Variants in ZNF440 observed in about 807,000 individuals in gnomAD.
ZNF440 encodes zinc finger protein 440.
Under a neutral mutation model 49.7 loss-of-function variants are expected in ZNF440, and 47 were observed. That is an observed-to-expected ratio of 0.95 (90% CI 0.75 to 1.21). ZNF440 has a LOEUF of 1.21. Among genes scored for constraint, ZNF440 ranks in the 50% most tolerant of loss-of-function variants. The pLI is 0.00. For synonymous variants in ZNF440, 255 were observed against 237.7 expected (o/e 1.07, Z -0.67); for missense variants, 703 against 715.0 (o/e 0.98, Z 0.19).
Position 11,833,129 on chromosome 19 carries a change from A to G in ZNF440, c.*165A>G. On this transcript the variant is annotated 3_prime_UTR_variant, in exon 4 of 4. Coordinates refer to ENST00000304060, the MANE Select transcript of ZNF440 (RefSeq NM_152357.3). ...CTTCACTTCCTTTCGATATCATGAA[A>G]GGACTCACACTGGAGAGAACCCCTA... 1.4e-6 allele frequency: 2 copies of G among 1,412,176 alleles called. No individual in the cohort carries two copies. The highest frequency in any genetic ancestry group is 2.0e-6 in the Non-Finnish European group (2 of 1,004,740). 87.5% of individuals were successfully genotyped at this position (1,412,176 alleles called of 1,614,324 possible).
At chr19:11,822,298 G>A (rs1264935356) in intron 1 of ZNF440, among the ~76,000 whole-genome samples, 1 of 152,196 alleles carries the variant, frequency 6.6e-6, no homozygotes, top group East Asian at 1.9e-4. Flanking sequence ...ACTCTGTTGA[G>A]TTTGAATAAA....
At position 11,820,036 on chromosome 19, in the gene ZNF440, CT is replaced by C. The variant is rs568104498; in HGVS notation, c.3+5587del. Reference sequence around the variant, plus strand: ...CAAGGGCTTGCAGTGAAATCTGTGTCTGAACATTTCACATGAGAGGAAAGCA... The same window carrying C: ...CAAGGGCTTGCAGTGAAATCTGTGTCGAACATTTCACATGAGAGGAAAGCA... On this transcript the variant is annotated intron_variant, in intron 1 of 3. Transcript: ENST00000304060. Among the ~76,000 whole-genome samples, 473 of 152,270 alleles carry C rather than the reference CT, an allele frequency of 3.1e-3. 1 individual carries two copies. Among genetic ancestry groups the C allele is most frequent in the Non-Finnish European group, 5.2e-3 (352 of 68,038 alleles).
At chr19:11,820,268 G>C (rs10403941) in intron 1 of ZNF440, among the ~76,000 whole-genome samples, 1,692 of 152,228 alleles carry the variant, frequency 0.011, 28 homozygotes, top group African/African-American at 0.039. Flanking sequence ...CCAGGCTGGA[G>C]TGCAGTGGCG....
At chr19:11,814,504 C>T (rs1975707655) in intron 1 of ZNF440, 54 bp downstream of exon 1, 1 of 1,452,920 alleles carries the variant, frequency 6.9e-7, no homozygotes, top group Non-Finnish European at 9.1e-7. Context: ...TGGAATCGGC[C>T]GGAACCGGCT....
At chr19:11,815,043 A>G (rs1164409548) in intron 1 of ZNF440, among the ~76,000 whole-genome samples, 1 of 152,092 alleles carries the variant, frequency 6.6e-6, no homozygotes, top group Non-Finnish European at 1.5e-5. Flanking sequence ...TGGGAGGCCG[A>G]GGCAGGCGGA....
chr19:11,826,884 A>C (rs1216832233), intron 1 of ZNF440, among the ~76,000 whole-genome samples: 2 of 151,870 alleles, frequency 1.3e-5, no homozygotes, highest in African/African-American at 2.4e-5. Context: ...GGCTGGTCTC[A>C]AACTTTTGAC....
At chr19:11,819,103 T>C (rs955195683) in intron 1 of ZNF440, among the ~76,000 whole-genome samples, 1 of 151,356 alleles carries the variant, frequency 6.6e-6, no homozygotes, top group Non-Finnish European at 1.5e-5. Context: ...ATCTCAGGAG[T>C]TCAAGACCAG....
chr19:11,826,810 T>A (rs1975873052), intron 1 of ZNF440, among the ~76,000 whole-genome samples: 1 of 151,570 alleles, frequency 6.6e-6, no homozygotes. Flanking sequence ...ATTACAGGTG[T>A]ATGCTGCCAC....
chr19:11,829,741 G>A (rs780192778), intron 1 of ZNF440, among the ~76,000 whole-genome samples: 1 of 151,930 alleles, frequency 6.6e-6, no homozygotes, highest in Non-Finnish European at 1.5e-5. Flanking sequence ...GCTGAGGCAT[G>A]AGAATTGCAT....
chr19:11,832,398 G>T lies in ZNF440; in HGVS notation c.1222G>T (p.Ala408Ser). Residue 408 changes from alanine (A) to serine (S), a missense_variant, in exon 4 of 4, where the codon GCC becomes TCC. Physicochemically the swap from Ala to Ser is moderately conservative, Grantham distance 99. Transcript: ENST00000304060. The part of the protein sequence containing the change: ...CKQCGKAFRS[A>S]SHLRVHGRTH... ...GCAATGTGGGAAAGCCTTCAGATCT[G>T]CCTCACACCTTCGAGTGCATGGTAG... The T allele has an allele frequency of 2.5e-6, 4 of 1,613,340 alleles. No homozygotes were observed. Among genetic ancestry groups the T allele is most frequent in the East Asian group, 2.2e-5 (1 of 44,778 alleles).
chr19:11,822,683 A>G (rs1393649179), intron 1 of ZNF440, among the ~76,000 whole-genome samples: 1 of 152,048 alleles, frequency 6.6e-6, no homozygotes, highest in Non-Finnish European at 1.5e-5. Flanking sequence ...CCCTGTCTCT[A>G]CTAAAAATAC....
intron 1 of ZNF440, among the ~76,000 whole-genome samples, chr19:11,822,960 G>T (rs1354325553): frequency 6.6e-6 from 1 of 151,702 alleles, no homozygotes; most frequent in Non-Finnish European, 1.5e-5. Context: ...AAGCTGCAGT[G>T]TTTAGTGGGT....
intron 1 of ZNF440, among the ~76,000 whole-genome samples, chr19:11,815,327 A>ACACACACAC (rs1568237561): frequency 5.1e-4 from 35 of 68,276 alleles, no homozygotes; most frequent in African/African-American, 1.6e-3. Flanking sequence ...CACACACACA[A>ACACACACAC]ATTAAATAGG....
At chr19:11,820,416 C>T (rs1243549215) in intron 1 of ZNF440, among the ~76,000 whole-genome samples, 2 of 152,138 alleles carry the variant, frequency 1.3e-5, no homozygotes, top group Non-Finnish European at 2.9e-5. Context: ...GACGGGGTTT[C>T]ACCGTATTAG....
chr19:11,832,388 C>G lies in ZNF440; in HGVS notation c.1212C>G (p.Ala404=). ...ATGAGTGTAAGCAATGTGGGAAAGCCTTCAGATCTGCCTCACACCTTCGAG... is the reference window on the plus strand; with the variant it reads ...ATGAGTGTAAGCAATGTGGGAAAGCGTTCAGATCTGCCTCACACCTTCGAG... ...KPYECKQCGK[A]FRSASHLRVH... The change falls in exon 4 of 4, where the codon GCC becomes GCG. Residue 404 remains alanine (A), a synonymous_variant. Coordinates refer to ENST00000304060, the MANE Select transcript of ZNF440 (RefSeq NM_152357.3). 6.2e-7 allele frequency: 1 copy of G among 1,613,292 alleles called. No homozygotes were observed. The highest frequency in any genetic ancestry group is 8.5e-7 in the Non-Finnish European group (1 of 1,179,762).
In ZNF440 at chr19:11,832,460, AT is replaced by A. The variant is rs769032213; in HGVS notation, c.1285del (p.Cys429ValfsTer8). ...GAGAGAAACCGTATGAATGTAAGGA[AT>A]GTGGGAAAGCCTTCAGATATGTGAA... The part of the protein sequence containing the change: ...TGEKPYECKE[C>X]GKAFRYVNNL... On this transcript the variant is annotated frameshift_variant, in exon 4 of 4. Coordinates refer to ENST00000304060, the MANE Select transcript of ZNF440 (RefSeq NM_152357.3). LOFTEE classifies it high-confidence loss of function. The A allele has an allele frequency of 2.0e-5, 33 of 1,613,872 alleles. No individual in the cohort carries two copies. Among genetic ancestry groups the A allele is most frequent in the Non-Finnish European group, 2.6e-5 (31 of 1,180,000 alleles).
At position 11,830,360 on chromosome 19, in the gene ZNF440, A is replaced by C; in HGVS notation, c.81A>C (p.Lys27Asn). The part of the protein sequence containing the change: ...EWALLDISQR[K>N]LYREVMLETF... ...CTTTGCTGGATATTTCCCAGAGGAA[A>C]CTCTACAGGGAAGTGATGCTGGAAA... The change falls in exon 2 of 4, where the codon AAA (lysine) becomes AAC (asparagine). Residue 27 changes from lysine (K) to asparagine (N), a missense_variant. Transcript: ENST00000304060. 1.2e-6 allele frequency: 2 copies of C among 1,613,978 alleles called. No homozygotes were observed. Among genetic ancestry groups the C allele is most frequent in the Non-Finnish European group, 8.5e-7 (1 of 1,180,004 alleles).
In ZNF440 at chr19:11,830,601, T is replaced by A; in HGVS notation, c.131-16T>A. ...TATACTGCCTCAGGACTATTTTTTC[T>A]GTGTCTGTATTTTAGGAAAAAGGTG... is the stretch of plus-strand genomic sequence containing the variant. On this transcript the variant is annotated splice_polypyrimidine_tract_variant and intron_variant, in intron 2 of 3. Transcript: ENST00000304060. 1.2e-6 allele frequency: 2 copies of A among 1,612,786 alleles called. No individual in the cohort carries two copies. Among genetic ancestry groups the A allele is most frequent in the Non-Finnish European group, 1.7e-6 (2 of 1,179,676 alleles).
intron 1 of ZNF440, among the ~76,000 whole-genome samples, chr19:11,818,638 C>T (rs1975762110): frequency 6.6e-6 from 1 of 152,018 alleles, no homozygotes; most frequent in Admixed American, 6.6e-5. Context: ...CAACCTTGAC[C>T]TCCCCGGCTC....
Sources: gnomAD v4.1 joint callset for allele counts (sites outside exome capture counted in the v4.1 genomes callset) on GRCh38, gnomAD v4.1.1 for gene constraint, MANE v1.5 for transcripts, NCBI Gene and HGNC (gene_info 2026-07-23, HGNC 2026-07-21) for gene names.